Variants in MYRIP observed in about 807,000 individuals in gnomAD.
MYRIP encodes the protein rab effector MyRIP.
In MYRIP, 49 loss-of-function variants were observed where a neutral mutation model predicts 98.0. The observed-to-expected ratio is 0.50, with a 90% CI of 0.40 to 0.63. MYRIP has a LOEUF of 0.63. MYRIP is among the 30% of genes least tolerant of loss of function. The probability of loss-of-function intolerance (pLI) is 0.00; values close to 1 mark genes in which losing one functional copy is unlikely to be tolerated. For synonymous variants in MYRIP, 404 were observed against 409.5 expected, an observed-to-expected ratio of 0.99 and a Z score of 0.16; for missense variants, 1,004 against 1,058.2, an observed-to-expected ratio of 0.95 and a Z score of 0.71.
At chr3:40,213,602 T>C (rs547221788) in intron 11 of MYRIP, among the ~76,000 whole-genome samples, 32 of 118,300 alleles carry the variant, frequency 2.7e-4, no homozygotes, top group Middle Eastern at 4.1e-3. Context: ...ACACCACTAG[T>C]CTGAGCAACA....
intron 2 of MYRIP, among the ~76,000 whole-genome samples, chr3:39,932,904 G>C (rs6803701): frequency 0.37 from 56,368 of 152,054 alleles, 10,767 homozygotes; most frequent in East Asian, 0.45. Flanking sequence ...TTGGCACACC[G>C]TCTGAATTAG....
At chr3:40,222,910 A>G (rs1952377677) in intron 11 of MYRIP, among the ~76,000 whole-genome samples, 1 of 152,240 alleles carries the variant, frequency 6.6e-6, no homozygotes, top group Non-Finnish European at 1.5e-5. Context: ...AGTATGGTTC[A>G]AGTGGTTCTG....
chr3:40,191,603 G>C (rs1409160929), intron 10 of MYRIP, among the ~76,000 whole-genome samples: 1 of 152,072 alleles, frequency 6.6e-6, no homozygotes. Context: ...AGACAATTGA[G>C]GACTCAGGTC....
intron 2 of MYRIP, among the ~76,000 whole-genome samples, chr3:39,964,746 A>T (rs1212029408): frequency 6.6e-6 from 1 of 152,130 alleles, no homozygotes. Flanking sequence ...GGAATTATAT[A>T]CTGCTTTGAA....
intron 3 of MYRIP, among the ~76,000 whole-genome samples, chr3:40,124,798 C>A (rs1949488202): frequency 6.6e-6 from 1 of 152,218 alleles, no homozygotes; most frequent in Non-Finnish European, 1.5e-5. Flanking sequence ...AAACCCCCAC[C>A]TGGCATGGCT....
chr3:40,151,879 C>A (rs1950130148), intron 4 of MYRIP, among the ~76,000 whole-genome samples: 1 of 151,974 alleles, frequency 6.6e-6, no homozygotes, highest in South Asian at 2.1e-4. Flanking sequence ...TGCTTTTTAT[C>A]CATGAGAAAC....
chr3:40,182,085 G>T, intron 8 of MYRIP, 135 bp from the exon 9 acceptor site: 8 of 953,258 alleles, frequency 8.4e-6, no homozygotes, highest in Non-Finnish European at 1.1e-5. Flanking sequence ...AGCTTTTAAG[G>T]CTCACGTGAA....
chr3:39,919,049 T>C (rs1198721554), intron 2 of MYRIP, among the ~76,000 whole-genome samples: 1 of 152,254 alleles, frequency 6.6e-6, no homozygotes, highest in Non-Finnish European at 1.5e-5. Flanking sequence ...TTTTTAGCTA[T>C]GCCTATATTT....
intron 1 of MYRIP, among the ~76,000 whole-genome samples, chr3:39,888,118 G>C (rs577479894): frequency 3.9e-5 from 6 of 151,986 alleles, no homozygotes; most frequent in Non-Finnish European, 8.8e-5. Context: ...GTAATTTACA[G>C]ATTCAATGCC....
intron 1 of MYRIP, among the ~76,000 whole-genome samples, chr3:39,842,248 C>T (rs1025659438): frequency 6.6e-6 from 1 of 152,096 alleles, no homozygotes; most frequent in East Asian, 1.9e-4. Context: ...CAGGTGGCTT[C>T]GTTTATACTG....
At chr3:39,996,927 A>G (rs1386579782) in intron 2 of MYRIP, among the ~76,000 whole-genome samples, 2 of 152,232 alleles carry the variant, frequency 1.3e-5, no homozygotes, top group African/African-American at 4.8e-5. Context: ...CTGCTCCTGA[A>G]TGACTACTGG....
chr3:39,998,806 C>A (rs925623822), intron 2 of MYRIP, among the ~76,000 whole-genome samples: 1 of 152,192 alleles, frequency 6.6e-6, no homozygotes, highest in Non-Finnish European at 1.5e-5. Context: ...ACCAAAACAG[C>A]ATGGTACTGG....
At chr3:40,005,520 C>T (rs934407228) in intron 2 of MYRIP, among the ~76,000 whole-genome samples, 9 of 152,192 alleles carry the variant, frequency 5.9e-5, no homozygotes, top group Non-Finnish European at 1.2e-4. Flanking sequence ...CCAAAACAAT[C>T]ATAGTTTTCA....
At chr3:40,014,661 C>A (rs893899635) in intron 2 of MYRIP, among the ~76,000 whole-genome samples, 7 of 152,130 alleles carry the variant, frequency 4.6e-5, no homozygotes, top group African/African-American at 1.7e-4. Context: ...CCATTGTGGT[C>A]TATGGTAGTT....
At chr3:39,941,829 T>C (rs1944792843) in intron 2 of MYRIP, among the ~76,000 whole-genome samples, 1 of 152,086 alleles carries the variant, frequency 6.6e-6, no homozygotes, top group Admixed American at 6.6e-5. Context: ...TCTTCTCCAA[T>C]TGGTTTTTCT....
intron 3 of MYRIP, among the ~76,000 whole-genome samples, chr3:40,132,997 A>C (rs183173734): frequency 4.5e-4 from 69 of 152,356 alleles, no homozygotes; most frequent in African/African-American, 1.6e-3. Context: ...CATGGTGGGA[A>C]CTAACAAAAC....
At chr3:40,216,467 T>G (rs764177001) in intron 11 of MYRIP, among the ~76,000 whole-genome samples, 66 of 152,246 alleles carry the variant, frequency 4.3e-4, no homozygotes, top group Non-Finnish European at 7.9e-4. Flanking sequence ...GAAAAACATG[T>G]ACACCCGTTT....
At chr3:39,859,586 A>G (rs1942404245) in intron 1 of MYRIP, among the ~76,000 whole-genome samples, 1 of 152,228 alleles carries the variant, frequency 6.6e-6, no homozygotes, top group Admixed American at 6.5e-5. Flanking sequence ...TCGCAGAAGA[A>G]TAACTCTGAT....
chr3:39,951,772 G>A (rs952645354), intron 2 of MYRIP, among the ~76,000 whole-genome samples: 1 of 152,008 alleles, frequency 6.6e-6, no homozygotes, highest in East Asian at 1.9e-4. Context: ...CTATTCTAGA[G>A]GACTCTGACA....
Sources: allele counts gnomAD v4.1 joint callset (sites outside exome capture counted in the v4.1 genomes callset), GRCh38; gene constraint gnomAD v4.1.1; transcripts MANE v1.5; gene names NCBI Gene and HGNC (gene_info 2026-07-23, HGNC 2026-07-21).